Variants in PRRT4 observed in about 807,000 individuals in gnomAD.
The protein encoded by PRRT4 is proline-rich transmembrane protein 4.
PRRT4 carries 59 observed loss-of-function variants against 55.6 expected under a neutral mutation model. The ratio of observed to expected loss-of-function variants is 1.06; its 90% CI spans 0.86 to 1.32. PRRT4 has a LOEUF of 1.32. Ranked by LOEUF, PRRT4 falls within the 40% of genes most tolerant of loss-of-function variation. The pLI is 0.00. For missense variants in PRRT4, 1,217 were observed against 1,222.0 expected, an observed-to-expected ratio of 1.00 and a Z score of 0.06; for synonymous variants, 606 against 601.8, an observed-to-expected ratio of 1.01 and a Z score of -0.10.
exon 5 of PRRT4, chr7:128,352,109 GGGC>G (rs1361909439): frequency 1.7e-6 from 2 of 1,158,898 alleles, no homozygotes; most frequent in Non-Finnish European, 2.1e-6. Flanking sequence ...GCGCTCCCGA[GGGC>G]GGCGGCGGCC....
chr7:128,357,293 C>T (rs1375722048), intron 4 of PRRT4, among the ~76,000 whole-genome samples: 2 of 151,680 alleles, frequency 1.3e-5, no homozygotes, highest in Non-Finnish European at 2.9e-5. Context: ...GGCCCATTGG[C>T]GTTCTCTCCA....
intron 1 of PRRT4, among the ~76,000 whole-genome samples, 189 bp downstream of exon 2, chr7:128,361,101 TCTCACACACACACACA>T (rs1468873048): frequency 8.5e-5 from 10 of 118,244 alleles, no homozygotes; most frequent in African/African-American, 3.0e-4. Context: ...TCTCTCTCTC[TCTCACACACACACACA>T]CACACACACA....
exon 2 of PRRT4, chr7:128,359,873 A>T: frequency 6.8e-7 from 1 of 1,474,580 alleles, no homozygotes. Flanking sequence ...ACTTTGAGGT[A>T]CGGGGGTCAA....
chr7:128,355,369 T>C (rs1202339482), intron 4 of PRRT4, among the ~76,000 whole-genome samples: 1 of 152,192 alleles, frequency 6.6e-6, no homozygotes, highest in African/African-American at 2.4e-5. Context: ...GACTAATTTT[T>C]ATATTTTTAG....
chr7:128,359,515 C>T (rs1471419940), exon 2 of PRRT4: 2 of 1,473,138 alleles, frequency 1.4e-6, no homozygotes, highest in Non-Finnish European at 1.8e-6. Context: ...CTGTCACCAT[C>T]AGAGCAGTGT....
At chr7:128,354,425 G>C (rs367615772) in intron 4 of PRRT4, among the ~76,000 whole-genome samples, 15 of 152,134 alleles carry the variant, frequency 9.9e-5, no homozygotes, top group Admixed American at 8.5e-4. Flanking sequence ...TTAGCCAGGC[G>C]TGGTGGCACA....
chr7:128,352,761 C>A, intron 4 of PRRT4, 83 bp from the exon 6 acceptor site: 1 of 1,295,190 alleles, frequency 7.7e-7, no homozygotes, highest in South Asian at 1.5e-5. Flanking sequence ...GAATGCCAGT[C>A]AGAGTCCCCT....
chr7:128,359,075 C>T, intron 3 of PRRT4, 74 bp downstream of exon 4: 12 of 1,452,566 alleles, frequency 8.3e-6, no homozygotes, highest in Non-Finnish European at 1.1e-5. Flanking sequence ...AAGAAAGGTA[C>T]TTGTTAGGCT....
chr7:128,351,970 G>A lies in PRRT4; in HGVS notation c.1586C>T (p.Pro529Leu), dbSNP rs1196652268. 1.5e-5 allele frequency: 19 copies of A among 1,300,840 alleles called. No individual in the cohort carries two copies. The highest frequency in any genetic ancestry group is 1.7e-5 in the Non-Finnish European group (17 of 1,026,818). 80.6% of individuals were successfully genotyped at this position (1,300,840 alleles called of 1,614,324 possible). A position where few individuals can be genotyped will look rare whatever the true frequency, so the allele number is the denominator to read the frequency against. Reference sequence around the variant, plus strand: ...GCCCTTGAAGCCCGACCCTCCCAGGGGCGCCCCGGCCCGCCGCCGCCGCCC... The same window carrying A: ...GCCCTTGAAGCCCGACCCTCCCAGGAGCGCCCCGGCCCGCCGCCGCCGCCC... The change falls in exon 5 of 5, where the codon CCC becomes CTC. Residue 529 changes from proline to leucine, a missense_variant. Transcript: ENST00000535159.
exon 5 of PRRT4, chr7:128,351,259 G>A (rs1796957041): frequency 6.5e-7 from 1 of 1,539,846 alleles, no homozygotes; most frequent in South Asian, 1.2e-5. Flanking sequence ...GGTCCCCAGC[G>A]AGGCGGTGCG....
At chr7:128,357,883 G>C (rs1797149855) in intron 4 of PRRT4, among the ~76,000 whole-genome samples, 1 of 152,222 alleles carries the variant, frequency 6.6e-6, no homozygotes, top group East Asian at 1.9e-4. Context: ...TGGGGCCAAG[G>C]CTGAGGTTTC....
At chr7:128,352,100 C>T (rs1052365792) in exon 5 of PRRT4, 46 of 1,153,644 alleles carry the variant, frequency 4.0e-5, no homozygotes, top group Non-Finnish European at 4.8e-5. Context: ...CGATGCGCGG[C>T]GCTCCCGAGG....
intron 4 of PRRT4, among the ~76,000 whole-genome samples, chr7:128,357,215 C>T (rs990965296): frequency 3.4e-5 from 4 of 117,930 alleles, no homozygotes; most frequent in South Asian, 6.2e-4. Context: ...CAAATACACA[C>T]ACACACACAC....
At chr7:128,355,782 C>T (rs1482675874) in intron 4 of PRRT4, among the ~76,000 whole-genome samples, 3 of 152,204 alleles carry the variant, frequency 2.0e-5, no homozygotes, top group Admixed American at 6.5e-5. Context: ...TAGGAGCCCA[C>T]GGTCTGCCCC....
At chr7:128,352,648 T>G (rs1012230625) in exon 5 of PRRT4, 1 of 1,537,012 alleles carries the variant, frequency 6.5e-7, no homozygotes, top group Non-Finnish European at 8.7e-7. Context: ...AGGAGAGAGG[T>G]CATCTGGGCC....
chr7:128,359,109 G>C, intron 3 of PRRT4, 40 bp downstream of exon 4: 1 of 1,534,342 alleles, frequency 6.5e-7, no homozygotes, highest in South Asian at 1.2e-5. Flanking sequence ...TTGGCACGTA[G>C]AGTGTTCCAC....
chr7:128,351,508 G>T (rs1796968456), exon 5 of PRRT4: 2 of 1,499,900 alleles, frequency 1.3e-6, no homozygotes, highest in African/African-American at 1.4e-5. Flanking sequence ...GTCTGGGCCT[G>T]GCCCTGCCAG....
chr7:128,359,051 C>T, intron 3 of PRRT4, 98 bp downstream of exon 4: 2 of 1,345,614 alleles, frequency 1.5e-6, no homozygotes, highest in Non-Finnish European at 2.1e-6. Flanking sequence ...AGAAGCAATG[C>T]AAGAAAGTAA....
intron 4 of PRRT4, among the ~76,000 whole-genome samples, chr7:128,356,201 G>A (rs1248231826): frequency 6.6e-6 from 1 of 152,076 alleles, no homozygotes; most frequent in East Asian, 1.9e-4. Flanking sequence ...GCAGTGAGCT[G>A]AGATCACACC....
Sources: gnomAD v4.1 joint callset for allele counts (sites outside exome capture counted in the v4.1 genomes callset) on GRCh38, gnomAD v4.1.1 for gene constraint, MANE v1.5 for transcripts, NCBI Gene and HGNC (gene_info 2026-07-23, HGNC 2026-07-21) for gene names.